The following PRELID2 variants were observed in gnomAD, a reference collection of about 807,000 sequenced individuals.
PRELID2 encodes the protein PRELI domain-containing protein 2.
Under a neutral mutation model 28.4 loss-of-function variants are expected in PRELID2, and 25 were observed. The observed-to-expected ratio is 0.88, with a 90% CI of 0.64 to 1.23. The LOEUF (loss-of-function observed/expected upper bound fraction) is 1.23, where lower values mean the gene tolerates loss of function less well. Ranked by LOEUF, PRELID2 falls within the 50% of genes most tolerant of loss-of-function variation. PRELID2 has a pLI of 0.00. For missense variants in PRELID2, 201 were observed against 214.4 expected (o/e 0.94, Z 0.39); for synonymous variants, 76 against 71.6 (o/e 1.06, Z -0.31).
chr5:145,581,440 A>G (rs1753106709), intron 1 of PRELID2, among the ~76,000 whole-genome samples: 1 of 152,090 alleles, frequency 6.6e-6, no homozygotes, highest in South Asian at 2.1e-4. Context: ...TTCTTGGGAC[A>G]GTTGAGATTT....
chr5:145,796,084 A>G (rs1431517997), intron 5 of PRELID2: 1 of 161,564 alleles, frequency 6.2e-6, no homozygotes, highest in Non-Finnish European at 1.3e-5. Context: ...AGCAGTCAGT[A>G]GTACATAGTA....
At chr5:145,279,136 C>T in the PRELID2 span, among the ~76,000 whole-genome samples, 5 of 152,118 alleles carry the variant, frequency 3.3e-5, no homozygotes, top group East Asian at 1.9e-4. Context: ...TATGCATTGT[C>T]GTATCTGAAA....
At chr5:145,596,094 T>A (rs1437951106) in intron 1 of PRELID2, among the ~76,000 whole-genome samples, 8 of 89,804 alleles carry the variant, frequency 8.9e-5, no homozygotes, top group African/African-American at 4.9e-4. Context: ...AGTGAGAGCC[T>A]GTCTCAAAAA....
At chr5:145,444,795 A>G in the PRELID2 span, among the ~76,000 whole-genome samples, 1 of 152,092 alleles carries the variant, frequency 6.6e-6, no homozygotes, top group South Asian at 2.1e-4. Flanking sequence ...TTAAGTGCCT[A>G]TAATATGCCA....
At position 145,579,047 on chromosome 5, in the gene PRELID2, T is replaced by C. The variant is rs1254815023; in HGVS notation, n.71-105732A>G. 3.9e-5 allele frequency among the ~76,000 whole-genome samples: 6 copies of C among 152,166 alleles called. No individual in the cohort carries two copies. The East Asian group carries it at 9.7e-4, about 25-fold the overall frequency. On this transcript the variant is annotated intron_variant and non_coding_transcript_variant, in intron 1 of 2. Coordinates refer to the PRELID2 transcript ENST00000510259. ...CATCAGTTGTATGGGCCATGAGTGA[T>C]GCATTTAATAACTCTGTGCCTCTAC... is the stretch of plus-strand genomic sequence containing the variant.
At chr5:145,599,316 C>T (rs1201981378) in intron 1 of PRELID2, among the ~76,000 whole-genome samples, 6 of 152,188 alleles carry the variant, frequency 3.9e-5, no homozygotes, top group Admixed American at 3.9e-4. Context: ...CCAAAGAATT[C>T]AAACATTTGG....
intron 1 of PRELID2, among the ~76,000 whole-genome samples, chr5:145,576,071 A>G (rs1161854919): frequency 6.6e-6 from 1 of 152,160 alleles, no homozygotes; most frequent in Non-Finnish European, 1.5e-5. Flanking sequence ...CAGGTTGCCT[A>G]TTTATGTGCT....
the PRELID2 span, among the ~76,000 whole-genome samples, chr5:145,283,841 A>T: frequency 9.8e-5 from 15 of 152,330 alleles, no homozygotes; most frequent in East Asian, 2.5e-3. Context: ...GAGGAAATTA[A>T]TTATGTATGT....
chr5:145,658,060 C>A (rs1248221888), intron 1 of PRELID2, among the ~76,000 whole-genome samples: 2 of 152,136 alleles, frequency 1.3e-5, no homozygotes, highest in Non-Finnish European at 2.9e-5. Flanking sequence ...ATATTGAGTA[C>A]CTCTTGTGTG....
intron 1 of PRELID2, among the ~76,000 whole-genome samples, chr5:145,497,408 C>T (rs1257897046): frequency 2.2e-5 from 2 of 89,688 alleles, no homozygotes; most frequent in African/African-American, 3.6e-5. Context: ...TTTCTGTATC[C>T]TTCCCCCTTA....
chr5:145,666,264 G>T (rs987846227), intron 1 of PRELID2, among the ~76,000 whole-genome samples: 1 of 152,036 alleles, frequency 6.6e-6, no homozygotes, highest in African/African-American at 2.4e-5. Context: ...TTATTTGTCT[G>T]TCTTGGATTA....
chr5:145,737,361 C>G (rs74679696), intron 1 of PRELID2, among the ~76,000 whole-genome samples: 1 of 151,684 alleles, frequency 6.6e-6, no homozygotes, highest in East Asian at 1.9e-4. Flanking sequence ...GAGGAATGCA[C>G]GCAAAGATTT....
intron 1 of PRELID2, among the ~76,000 whole-genome samples, chr5:145,619,212 GGTTCAAAGTTCAAAA>G (rs1753741333): frequency 6.6e-6 from 1 of 152,160 alleles, no homozygotes; most frequent in Non-Finnish European, 1.5e-5. Flanking sequence ...TTTCTCCACT[GGTTCAAAGTTCAAAA>G]GTTCAAAGTT....
At chr5:145,342,112 G>C in the PRELID2 span, among the ~76,000 whole-genome samples, 2 of 152,186 alleles carry the variant, frequency 1.3e-5, no homozygotes, top group East Asian at 3.8e-4. Flanking sequence ...TTTGTTCAAA[G>C]TGCTGAAAGA....
At chr5:145,490,155 A>T (rs887538153) in intron 1 of PRELID2, among the ~76,000 whole-genome samples, 1 of 152,198 alleles carries the variant, frequency 6.6e-6, no homozygotes, top group Non-Finnish European at 1.5e-5. Context: ...TTGATTGATA[A>T]ATCAGCTTGT....
rs555021778 is a variant in PRELID2 at position 145,765,775 on chromosome 5, G to C, written c.475-775C>G. Among the ~76,000 whole-genome samples the C allele has an allele frequency of 2.0e-5, 3 of 152,230 alleles. 1 individual carries two copies. In the South Asian group the frequency reaches 6.2e-4, roughly 32 times the overall value. ...CAGGCAAATCTCAAACTAAGTCTGTGCCCCAAGAGCTGACCTAGGACACCT... is the reference window on the plus strand; with the variant it reads ...CAGGCAAATCTCAAACTAAGTCTGTCCCCCAAGAGCTGACCTAGGACACCT... On this transcript the variant is annotated intron_variant, in intron 5 of 6. Coordinates refer to ENST00000683046, the MANE Select transcript of PRELID2 (RefSeq NM_205846.3).
the PRELID2 span, among the ~76,000 whole-genome samples, chr5:145,437,845 G>A: frequency 1.3e-4 from 20 of 151,988 alleles, no homozygotes; most frequent in African/African-American, 4.3e-4. Context: ...TGGCATTTTC[G>A]CCCAAACATA....
the PRELID2 span, among the ~76,000 whole-genome samples, chr5:145,285,227 G>T: frequency 6.6e-6 from 1 of 152,090 alleles, no homozygotes; most frequent in Non-Finnish European, 1.5e-5. Context: ...TTTAGAAGAT[G>T]GCATTACTAT....
At chr5:145,471,783 T>C (rs1207724799), downstream of PRELID2, 1 of 152,138 alleles carries the variant, frequency 6.6e-6, no homozygotes, top group Non-Finnish European at 1.5e-5. Context: ...GTAATACAAT[T>C]CTGTGATTGC....
Sources: allele counts gnomAD v4.1 joint callset (sites outside exome capture counted in the v4.1 genomes callset), GRCh38; gene constraint gnomAD v4.1.1; transcripts MANE v1.5; gene names NCBI Gene and HGNC (gene_info 2026-07-23, HGNC 2026-07-21).